Variants in NEBL observed in about 807,000 individuals in gnomAD.
The protein encoded by NEBL is nebulette.
Under a neutral mutation model 140.2 loss-of-function variants are expected in NEBL, and 122 were observed. The observed-to-expected ratio is 0.87, with a 90% CI of 0.75 to 1.01. NEBL has a LOEUF of 1.01. Ranked by LOEUF, NEBL falls within the 50% of genes least tolerant of loss-of-function variation. NEBL has a pLI of 0.00. For synonymous variants in NEBL, 436 were observed against 398.9 expected, an observed-to-expected ratio of 1.09 and a Z score of -1.11; for missense variants, 1,365 against 1,231.3, an observed-to-expected ratio of 1.11 and a Z score of -1.62.
intron 3 of NEBL, among the ~76,000 whole-genome samples, chr10:21,180,380 C>T (rs1415532072): frequency 6.6e-6 from 1 of 152,118 alleles, no homozygotes; most frequent in Non-Finnish European, 1.5e-5. Context: ...GGTATGATTC[C>T]TTCTCGTTGT....
At chr10:20,797,383 T>A (rs1308935319) in intron 26 of NEBL, among the ~76,000 whole-genome samples, 2 of 152,152 alleles carry the variant, frequency 1.3e-5, no homozygotes, top group Non-Finnish European at 2.9e-5. Context: ...GACAATACCA[T>A]CAATCCATAA....
intron 11 of NEBL, among the ~76,000 whole-genome samples, chr10:20,847,537 T>C (rs1842061834): frequency 6.6e-6 from 1 of 151,706 alleles, no homozygotes; most frequent in South Asian, 2.1e-4. Flanking sequence ...CAGAAGGAAA[T>C]AAGAAAGTTA....
intron 2 of NEBL, among the ~76,000 whole-genome samples, chr10:21,025,842 C>T (rs1421082375): frequency 6.6e-6 from 1 of 152,164 alleles, no homozygotes; most frequent in Admixed American, 6.5e-5. Context: ...AAAATTCACA[C>T]ATGCAAGTCA....
chr10:20,813,014 G>A (rs1318153803), intron 23 of NEBL, 74 bp from the exon 24 acceptor site: 5 of 1,237,072 alleles, frequency 4.0e-6, no homozygotes, highest in South Asian at 1.2e-5. Context: ...TTAAATGACA[G>A]GTGTACACTG....
At chr10:21,061,290 A>AACATGTT in intron 2 of NEBL, among the ~76,000 whole-genome samples, 1 of 147,772 alleles carries the variant, frequency 6.8e-6, no homozygotes, top group Non-Finnish European at 1.5e-5. Flanking sequence ...TGTGATATGT[A>AACATGTT]ACATATTACA....
chr10:20,902,920 C>T (rs1041799331), intron 4 of NEBL, among the ~76,000 whole-genome samples: 3 of 152,158 alleles, frequency 2.0e-5, no homozygotes. Context: ...GAAATGGGCA[C>T]ATAGAAAACA....
At chr10:20,866,785 T>C (rs1166757378) in intron 7 of NEBL, among the ~76,000 whole-genome samples, 1 of 152,190 alleles carries the variant, frequency 6.6e-6, no homozygotes, top group Non-Finnish European at 1.5e-5. Context: ...TTTCACTTTG[T>C]TGGTATTTCC....
chr10:21,164,262 C>T (rs1208177479), intron 2 of NEBL, among the ~76,000 whole-genome samples: 1 of 152,160 alleles, frequency 6.6e-6, no homozygotes, highest in Non-Finnish European at 1.5e-5. Context: ...TGAAACAGAA[C>T]AGAAACGTAA....
At chr10:21,185,261 T>TAC (rs1294555612) in intron 3 of NEBL, among the ~76,000 whole-genome samples, 2 of 152,128 alleles carry the variant, frequency 1.3e-5, no homozygotes, top group Non-Finnish European at 2.9e-5. Context: ...TCTGGCTCCT[T>TAC]ACAAGAGTGA....
chr10:21,030,661 G>GTGAA, intron 2 of NEBL: 2 of 511,288 alleles, frequency 3.9e-6, no homozygotes, highest in Non-Finnish European at 7.7e-6. Flanking sequence ...AGTAGGTGTG[G>GTGAA]TGAATGTCCC....
chr10:20,968,394 C>T (rs117705632), intron 3 of NEBL, among the ~76,000 whole-genome samples: 3,020 of 151,928 alleles, frequency 0.02, 35 homozygotes, highest in Middle Eastern at 0.054. Flanking sequence ...ACCCATAGTC[C>T]CAGCTACTAG....
intron 2 of NEBL, among the ~76,000 whole-genome samples, chr10:21,039,464 C>G (rs948431696): frequency 8.5e-5 from 13 of 152,260 alleles, no homozygotes; most frequent in Admixed American, 3.3e-4. Context: ...TTCCCAGCAC[C>G]ATTTATTAAA....
chr10:20,997,472 A>T (rs1025808189), intron 3 of NEBL, among the ~76,000 whole-genome samples: 1 of 17,558 alleles, frequency 5.7e-5, no homozygotes, highest in African/African-American at 5.6e-4. Context: ...CAGTCTCAGT[A>T]AAAAAAAAAA....
chr10:20,831,138 G>T, intron 16 of NEBL, 58 bp downstream of exon 16: 1 of 1,178,066 alleles, frequency 8.5e-7, no homozygotes, highest in Non-Finnish European at 1.3e-6. Flanking sequence ...GACATACAAA[G>T]CACATGGCAA....
chr10:21,129,007 CA>C (rs1422527199), intron 2 of NEBL, among the ~76,000 whole-genome samples: 1 of 152,182 alleles, frequency 6.6e-6, no homozygotes, highest in Non-Finnish European at 1.5e-5. Context: ...TGTGGTTCCA[CA>C]TGTAAGCAGT....
At chr10:21,069,757 T>C (rs1289846514) in intron 2 of NEBL, among the ~76,000 whole-genome samples, 1 of 152,232 alleles carries the variant, frequency 6.6e-6, no homozygotes, top group Non-Finnish European at 1.5e-5. Flanking sequence ...TAACCTTCTA[T>C]AGAACAAAAC....
At chr10:21,158,402 T>G (rs1294097838) in intron 2 of NEBL, among the ~76,000 whole-genome samples, 1 of 152,216 alleles carries the variant, frequency 6.6e-6, no homozygotes, top group Non-Finnish European at 1.5e-5. Context: ...TTATTTATCC[T>G]TGCAGTAACC....
intron 4 of NEBL, among the ~76,000 whole-genome samples, chr10:20,936,732 CATT>C (rs1834510434): frequency 6.6e-6 from 1 of 152,186 alleles, no homozygotes; most frequent in Admixed American, 6.5e-5. Context: ...GATTACCACT[CATT>C]ATAGTTTAAT....
chr10:20,858,557 T>C (rs1034760518), intron 8 of NEBL, among the ~76,000 whole-genome samples: 1 of 152,228 alleles, frequency 6.6e-6, no homozygotes, highest in Admixed American at 6.5e-5. Flanking sequence ...ATAATTCCTT[T>C]TGTTGTTCAC....
Sources: allele counts gnomAD v4.1 joint callset (sites outside exome capture counted in the v4.1 genomes callset), GRCh38; gene constraint gnomAD v4.1.1; transcripts MANE v1.5; gene names NCBI Gene and HGNC (gene_info 2026-07-23, HGNC 2026-07-21).